USP47: variants seen among roughly 807,000 people sequenced by gnomAD.
The protein encoded by USP47 is ubiquitin specific peptidase 47, also known as ubiquitin carboxyl-terminal hydrolase 47.
USP47 carries 35 observed loss-of-function variants against 165.1 expected under a neutral mutation model. The ratio of observed to expected loss-of-function variants is 0.21; its 90% CI spans 0.16 to 0.28. The LOEUF (loss-of-function observed/expected upper bound fraction) is 0.28, where lower values mean the gene tolerates loss of function less well. Ranked by LOEUF, USP47 falls within the 10% of genes least tolerant of loss-of-function variation. The pLI is 1.00. For synonymous variants in USP47, 531 were observed against 544.5 expected (o/e 0.98, Z 0.35); for missense variants, 1,277 against 1,607.4 (o/e 0.79, Z 3.52).
rs1247186818 is a variant in USP47, at chr11:11,955,066, C to T, written c.3795C>T (p.Val1265=). 1.2e-6 allele frequency: 2 copies of T among 1,613,640 alleles called. No individual in the cohort carries two copies. The highest frequency in any genetic ancestry group is 1.7e-6 in the Non-Finnish European group (2 of 1,179,828). ...GAACATTTCCCTGTGATATTTCTGT[C>T]CTTGATATTCATCAGGATTTAGACT... ...GRGTFPCDIS[V]LDIHQDLDWN... is the part of the protein sequence containing the mutation. The change falls in exon 27 of 28, where the codon GTC becomes GTT. Residue 1265 remains valine, a synonymous_variant. Transcript: ENST00000527733.
chr11:11,863,135 G>T (rs59623997), intron 1 of USP47, among the ~76,000 whole-genome samples: 4,001 of 152,180 alleles, frequency 0.026, 183 homozygotes, highest in African/African-American at 0.09. Flanking sequence ...GATTTATAGA[G>T]ATTGTTTATT....
chr11:11,859,868 C>T (rs1442721965), intron 1 of USP47, among the ~76,000 whole-genome samples: 1 of 152,004 alleles, frequency 6.6e-6, no homozygotes, highest in Non-Finnish European at 1.5e-5. Context: ...CTTTGGGAGG[C>T]CGAGGCAGGC....
intron 11 of USP47, among the ~76,000 whole-genome samples, chr11:11,926,092 TA>T (rs1199266952): frequency 1.3e-5 from 2 of 152,210 alleles, no homozygotes; most frequent in Non-Finnish European, 2.9e-5. Flanking sequence ...TTTGGTTTGC[TA>T]GTATTTTGTT....
intron 3 of USP47, among the ~76,000 whole-genome samples, chr11:11,891,162 A>G (rs961977360): frequency 9.2e-5 from 14 of 152,246 alleles, no homozygotes; most frequent in Non-Finnish European, 1.6e-4. Flanking sequence ...TGAAAAAATA[A>G]TAATTTAAAA....
intron 1 of USP47, among the ~76,000 whole-genome samples, chr11:11,847,375 C>G (rs1848486561): frequency 6.6e-6 from 1 of 151,852 alleles, no homozygotes; most frequent in Non-Finnish European, 1.5e-5. Flanking sequence ...TAGCTTCAAC[C>G]TTTGATTGTG....
intron 2 of USP47, among the ~76,000 whole-genome samples, chr11:11,882,003 G>A (rs1385821676): frequency 1.3e-5 from 2 of 152,052 alleles, no homozygotes; most frequent in East Asian, 1.9e-4. Context: ...TCTCATCTGC[G>A]TTATTAGAAC....
At chr11:11,900,752 G>A (rs886437567) in intron 5 of USP47, among the ~76,000 whole-genome samples, 2 of 152,190 alleles carry the variant, frequency 1.3e-5, no homozygotes, top group African/African-American at 4.8e-5. Flanking sequence ...ATGCACCAAA[G>A]TTTCTAACTA....
chr11:11,905,641 G>T, intron 8 of USP47, 93 bp downstream of exon 8: 1 of 1,255,042 alleles, frequency 8.0e-7, no homozygotes, highest in Non-Finnish European at 1.1e-6. Flanking sequence ...TATCATCCTA[G>T]ATACACCTTC....
chr11:11,891,275 T>G (rs1012291720), intron 3 of USP47, among the ~76,000 whole-genome samples: 1 of 152,198 alleles, frequency 6.6e-6, no homozygotes, highest in Non-Finnish European at 1.5e-5. Context: ...GACGCTTTGC[T>G]CAGGAAAGAT....
At chr11:11,937,510 T>G (rs1855156108) in intron 17 of USP47, among the ~76,000 whole-genome samples, 1 of 151,694 alleles carries the variant, frequency 6.6e-6, no homozygotes, top group African/African-American at 2.4e-5. Context: ...AACCTTATGA[T>G]GTCTACTTCG....
intron 1 of USP47, among the ~76,000 whole-genome samples, chr11:11,867,782 T>C (rs935999277): frequency 2.0e-5 from 3 of 152,252 alleles, no homozygotes; most frequent in African/African-American, 7.2e-5. Context: ...CACTTTGGAA[T>C]ATATGTGATT....
intron 20 of USP47, chr11:11,943,896 C>T (rs1855650713): frequency 6.6e-6 from 1 of 151,978 alleles, no homozygotes; most frequent in African/African-American, 2.4e-5. Flanking sequence ...TAATATTACT[C>T]CTTATATTTT....
At chr11:11,885,588 A>G (rs527493265) in intron 3 of USP47, among the ~76,000 whole-genome samples, 2 of 152,248 alleles carry the variant, frequency 1.3e-5, no homozygotes, top group Admixed American at 6.5e-5. Flanking sequence ...ACACAGAGCT[A>G]TGTGGAATCT....
In USP47 at chr11:11,957,769, T is replaced by C. The variant is rs527873320; in HGVS notation, c.*1594T>C. Reference sequence around the variant, plus strand: ...TAAGAAAGATAAAATTAGAAAATACTGTTAGCAAATGTGGCTCTGCCATTT... The same window carrying C: ...TAAGAAAGATAAAATTAGAAAATACCGTTAGCAAATGTGGCTCTGCCATTT... On this transcript the variant is annotated 3_prime_UTR_variant, in exon 28 of 28. Coordinates refer to ENST00000527733, the MANE Select transcript of USP47 (RefSeq NM_001282659.2). 3.3e-5 allele frequency: 5 copies of C among 152,280 alleles called. No individual in the cohort carries two copies. The highest frequency in any genetic ancestry group is 1.2e-4 in the African/African-American group (5 of 41,554). The allele number at this position is 152,280 out of a possible 1,614,324, so 9.4% of individuals were successfully genotyped here.
At chr11:11,903,521 A>G (rs1209645967) in intron 7 of USP47, among the ~76,000 whole-genome samples, 179 bp downstream of exon 7, 2 of 152,190 alleles carry the variant, frequency 1.3e-5, no homozygotes, top group East Asian at 1.9e-4. Flanking sequence ...TATAAATACC[A>G]TCATTAAACC....
At chr11:11,876,842 C>A (rs1339492452) in intron 1 of USP47, among the ~76,000 whole-genome samples, 1 of 152,056 alleles carries the variant, frequency 6.6e-6, no homozygotes, top group Non-Finnish European at 1.5e-5. Flanking sequence ...CCTTAAGTTA[C>A]ACACACAGCG....
intron 5 of USP47, among the ~76,000 whole-genome samples, chr11:11,901,570 G>C (rs1055706864): frequency 2.0e-5 from 3 of 152,136 alleles, no homozygotes; most frequent in African/African-American, 7.2e-5. Flanking sequence ...TCATAAGTTT[G>C]TGAGGGTGAA....
chr11:11,899,183 A>G (rs779876680), intron 5 of USP47, among the ~76,000 whole-genome samples: 4 of 152,224 alleles, frequency 2.6e-5, no homozygotes, highest in Non-Finnish European at 5.9e-5. Flanking sequence ...GTTAATAAAT[A>G]GAGTTCAGAG....
At chr11:11,893,957 A>G (rs1349872543) in intron 4 of USP47, among the ~76,000 whole-genome samples, 4 of 152,208 alleles carry the variant, frequency 2.6e-5, no homozygotes, top group Non-Finnish European at 4.4e-5. Context: ...TCTGGAAATA[A>G]TAGTAAAACC....
Sources: gnomAD v4.1 joint callset for allele counts (sites outside exome capture counted in the v4.1 genomes callset) on GRCh38, gnomAD v4.1.1 for gene constraint, MANE v1.5 for transcripts, NCBI Gene and HGNC (gene_info 2026-07-23, HGNC 2026-07-21) for gene names.